Variants in H3-3B observed in about 807,000 individuals in gnomAD.
H3-3B encodes the protein histone H3.3.
In H3-3B, 2 loss-of-function variants were observed where a neutral mutation model predicts 13.1. The observed-to-expected ratio is 0.15, with a 90% CI of 0.06 to 0.48. H3-3B has a LOEUF of 0.48. Among genes scored for constraint, H3-3B ranks in the 20% least tolerant of loss-of-function variants. The probability of loss-of-function intolerance (pLI) is 0.97; values close to 1 mark genes in which losing one functional copy is unlikely to be tolerated. For synonymous variants in H3-3B, 133 were observed against 75.8 expected (o/e 1.76, Z -3.92); for missense variants, 39 against 186.0 (o/e 0.21, Z 4.60).
chr17:75,776,919 C>G lies in H3-3B; in HGVS notation c.*1676G>C, dbSNP rs1060120. On this transcript the variant is annotated 3_prime_UTR_variant, in exon 4 of 4. Coordinates refer to ENST00000254810, the MANE Select transcript of H3-3B (RefSeq NM_005324.5). ...AGAAAAGCGGGTCATTATATTGCAT[C>G]CTTTCATAGGAGCTCATTATCACGA... is the stretch of plus-strand genomic sequence containing the variant. 1 of 152,074 alleles carries G rather than the reference C, an allele frequency of 6.6e-6. No individual in the cohort carries two copies. The allele number at this position is 152,074 out of a possible 1,614,324, so 9.4% of individuals were successfully genotyped here.
At position 75,776,787 on chromosome 17, in the gene H3-3B, T is replaced by A. The variant is rs1261191190; in HGVS notation, c.*1808A>T. 7.2e-5 allele frequency: 11 copies of A among 152,244 alleles called. No homozygotes were observed. The highest frequency in any genetic ancestry group is 1.6e-4 in the Non-Finnish European group (11 of 68,046). The allele number at this position is 152,244 out of a possible 1,614,324, so 9.4% of individuals were successfully genotyped here. On this transcript the variant is annotated 3_prime_UTR_variant, in exon 4 of 4. Transcript: ENST00000254810. ...CGTAGCCAGGTTTGTGTACTTTGTTTCCAGACACGCTACAGCATAGCACGT... is the reference window on the plus strand; with the variant it reads ...CGTAGCCAGGTTTGTGTACTTTGTTACCAGACACGCTACAGCATAGCACGT...
rs772814402 is a variant in H3-3B, at chr17:75,778,549, G to C, written c.*46C>G. 1.0e-5 allele frequency: 16 copies of C among 1,581,022 alleles called. No homozygotes were observed. The African/African-American group carries it at 1.2e-4, about 12-fold the overall frequency. On this transcript the variant is annotated 3_prime_UTR_variant, in exon 4 of 4. Coordinates refer to ENST00000254810, the MANE Select transcript of H3-3B (RefSeq NM_005324.5). Reference sequence around the variant, plus strand: ...AAAAAAAGTCACAAATTAAACCAAAGTATTTTACAGAATTTACTACAAAAC... The same window carrying C: ...AAAAAAAGTCACAAATTAAACCAAACTATTTTACAGAATTTACTACAAAAC...
rs371386581 is a variant in H3-3B, at chr17:75,778,891, G to C, written c.201C>G (p.Pro67=). ...CGATCTCCCTCACCAACCTCTGGAAGGGCAGCTTCCGGATGAGCAGCTCGG... is the reference window on the plus strand; with the variant it reads ...CGATCTCCCTCACCAACCTCTGGAACGGCAGCTTCCGGATGAGCAGCTCGG... ...KSTELLIRKL[P]FQRLVREIAQ... The change falls in exon 3 of 4, where the codon CCC becomes CCG. Residue 67 remains proline, a synonymous_variant. Transcript: ENST00000254810. The C allele has an allele frequency of 3.1e-6, 5 of 1,614,182 alleles. No homozygotes were observed. The Admixed American group carries it at 5.0e-5, about 16-fold the overall frequency.
chr17:75,777,091 CTG>C lies in H3-3B; in HGVS notation c.*1502_*1503del, dbSNP rs1277039777. On this transcript the variant is annotated 3_prime_UTR_variant, in exon 4 of 4. Transcript: ENST00000254810. ...GCTTTGATGACTGCTGGCTCTCATG[CTG>C]TCTCACTGACATCCACGTACTATGC... 1 of 152,208 alleles carries C rather than the reference CTG, an allele frequency of 6.6e-6. No homozygotes were observed. The highest frequency in any genetic ancestry group is 2.4e-5 in the African/African-American group (1 of 41,462). 9.4% of individuals were successfully genotyped at this position (152,208 alleles called of 1,614,324 possible).
At chr17:75,779,433 A>AGGCCC (rs1425658173) in intron 1 of H3-3B, 6 of 326,720 alleles carry the variant, frequency 1.8e-5, no homozygotes, top group Non-Finnish European at 3.3e-5. Context: ...CGACGGGCGG[A>AGGCCC]GGCCCGACTG....
intron 1 of H3-3B, 104 bp from the exon 2 acceptor site, chr17:75,779,288 CT>C (rs1250878968): frequency 1.6e-6 from 2 of 1,224,288 alleles, no homozygotes; most frequent in East Asian, 3.2e-5. Flanking sequence ...GGCCTCCCGC[CT>C]CCCCGCGCCC....
chr17:75,778,974 C>T lies in H3-3B; in HGVS notation c.129-11G>A. 1.2e-6 allele frequency: 2 copies of T among 1,614,042 alleles called. No homozygotes were observed. Among genetic ancestry groups the T allele is most frequent in the South Asian group, 1.1e-5 (1 of 91,078 alleles). On this transcript the variant is annotated splice_polypyrimidine_tract_variant and intron_variant, in intron 2 of 3. Coordinates refer to ENST00000254810, the MANE Select transcript of H3-3B (RefSeq NM_005324.5). ...GCCACGGTCCCGGGCCTGCAGCGAGCAGGGGAGGAGTGAGCGGACGCTGCC... is the reference window on the plus strand; with the variant it reads ...GCCACGGTCCCGGGCCTGCAGCGAGTAGGGGAGGAGTGAGCGGACGCTGCC...
chr17:75,777,618 G>A lies in H3-3B; in HGVS notation c.*977C>T, dbSNP rs749834690. The A allele has an allele frequency of 4.6e-5, 7 of 152,500 alleles. No homozygotes were observed. The highest frequency in any genetic ancestry group is 7.3e-5 in the Non-Finnish European group (5 of 68,036). 9.4% of individuals were successfully genotyped at this position (152,500 alleles called of 1,614,324 possible). On this transcript the variant is annotated 3_prime_UTR_variant, in exon 4 of 4. Transcript: ENST00000254810. ...ACCCAACACCATCTTAATTGGCAGA[G>A]GTTCAGTGGGCTGGAGTTTTGTGCT...
chr17:75,779,518 A>AG (rs1225464879), intron 1 of H3-3B, 139 bp downstream of exon 1: 1 of 180,222 alleles, frequency 5.5e-6, no homozygotes, highest in Non-Finnish European at 1.2e-5. Context: ...CAAAGCCCCA[A>AG]GGGGAAACCT....
In H3-3B at chr17:75,779,048, T is replaced by G. The variant is rs2061653004; in HGVS notation, c.127A>C (p.Arg43=). The stretch of plus-strand genomic sequence containing the variant: ...CCATTGTTCCCCCGCCCGACCTACC[T>G]GTAGCGATGAGGCTTCTTCACCCCG... ...TGGVKKPHRY[R]PGTVALREIR... Residue 43 remains arginine (R), a splice_region_variant and synonymous_variant, in exon 2 of 4, where the codon AGG becomes CGG. Transcript: ENST00000254810. 1 of 1,608,564 alleles carries G rather than the reference T, an allele frequency of 6.2e-7. No individual in the cohort carries two copies. The highest frequency in any genetic ancestry group is 8.5e-7 in the Non-Finnish European group (1 of 1,177,346).
In H3-3B at chr17:75,777,484, T is replaced by C. The variant is rs1329665483; in HGVS notation, c.*1111A>G. 1 of 152,660 alleles carries C rather than the reference T, an allele frequency of 6.6e-6. No individual in the cohort carries two copies. Among genetic ancestry groups the C allele is most frequent in the African/African-American group, 2.4e-5 (1 of 41,458 alleles). 9.5% of individuals were successfully genotyped at this position (152,660 alleles called of 1,614,324 possible). On this transcript the variant is annotated 3_prime_UTR_variant, in exon 4 of 4. Transcript: ENST00000254810. ...TTGGATAAACAAGTTTATTTGTAAA[T>C]TTAGTCAACATACATAATTGACCTA... is the stretch of plus-strand genomic sequence containing the variant.
intron 2 of H3-3B, 24 bp from the exon 3 acceptor site, chr17:75,778,987 A>G: frequency 6.2e-7 from 1 of 1,613,712 alleles, no homozygotes; most frequent in Non-Finnish European, 8.5e-7. Context: ...GGGAGGAGTG[A>G]GCGGACGCTG....
At chr17:75,779,426 C>G (rs754173659) in intron 1 of H3-3B, 18 of 336,774 alleles carry the variant, frequency 5.3e-5, no homozygotes, top group African/African-American at 3.4e-4. Flanking sequence ...CCTTCCTCGA[C>G]GGGCGGAGGC....
In H3-3B at chr17:75,777,162, G is replaced by A. The variant is rs1413482159; in HGVS notation, c.*1433C>T. 1 of 152,054 alleles carries A rather than the reference G, an allele frequency of 6.6e-6. No homozygotes were observed. Among genetic ancestry groups the A allele is most frequent in the East Asian group, 1.9e-4 (1 of 5,186 alleles). The allele number at this position is 152,054 out of a possible 1,614,324, so 9.4% of individuals were successfully genotyped here. ...ACAAGGAAACTGGTTTCATACTGAA[G>A]TTTAAGACTGAGTTCTACACCTGTG... is the stretch of plus-strand genomic sequence containing the variant. On this transcript the variant is annotated 3_prime_UTR_variant, in exon 4 of 4. Coordinates refer to ENST00000254810, the MANE Select transcript of H3-3B (RefSeq NM_005324.5).
rs1304304766 is a variant in H3-3B at position 75,778,458 on chromosome 17, A to G, written c.*137T>C. 2.4e-6 allele frequency: 3 copies of G among 1,260,986 alleles called. No homozygotes were observed. Among genetic ancestry groups the G allele is most frequent in the East Asian group, 4.7e-5 (2 of 42,334 alleles). 78.1% of individuals were successfully genotyped at this position (1,260,986 alleles called of 1,614,324 possible). A position where few individuals can be genotyped will look rare whatever the true frequency, so the allele number is the denominator to read the frequency against. Reference sequence around the variant, plus strand: ...AGGTCTGTGAACAGTCACTTTTCGCATTCATCCTGAGTGAAAGATGGAATG... The same window carrying G: ...AGGTCTGTGAACAGTCACTTTTCGCGTTCATCCTGAGTGAAAGATGGAATG... On this transcript the variant is annotated 3_prime_UTR_variant, in exon 4 of 4. Transcript: ENST00000254810.
Position 75,779,177 on chromosome 17 carries a change from T to G in H3-3B, c.-3A>C. ...GCAGTCTGCTTGGTTCGGGCCATTT[T>G]CTTTCACCTAAGAAAGACGCCCCGA... is the stretch of plus-strand genomic sequence containing the variant. On this transcript the variant is annotated 5_prime_UTR_variant, in exon 2 of 4. Coordinates refer to ENST00000254810, the MANE Select transcript of H3-3B (RefSeq NM_005324.5). The G allele has an allele frequency of 6.5e-7, 1 of 1,526,952 alleles. No individual in the cohort carries two copies. The highest frequency in any genetic ancestry group is 8.8e-7 in the Non-Finnish European group (1 of 1,141,226). 94.6% of individuals were successfully genotyped at this position (1,526,952 alleles called of 1,614,324 possible).
Position 75,778,523 on chromosome 17 carries a change from CAA to C in H3-3B, c.*70_*71del, listed in dbSNP as rs35916120. 6.5e-7 allele frequency: 1 copy of C among 1,546,950 alleles called. No homozygotes were observed. Among genetic ancestry groups the C allele is most frequent in the Non-Finnish European group, 8.7e-7 (1 of 1,144,588 alleles). On this transcript the variant is annotated 3_prime_UTR_variant, in exon 4 of 4. Coordinates refer to ENST00000254810, the MANE Select transcript of H3-3B (RefSeq NM_005324.5). Reference sequence around the variant, plus strand: ...GCAACATATTATAAACAATTTCTTACAAAAAAAGTCACAAATTAAACCAAAGT... The same window carrying C: ...GCAACATATTATAAACAATTTCTTACAAAAAGTCACAAATTAAACCAAAGT...
chr17:75,777,723 AACTC>A lies in H3-3B; in HGVS notation c.*868_*871del, dbSNP rs1323034304. The A allele has an allele frequency of 6.6e-6, 1 of 152,428 alleles. No individual in the cohort carries two copies. The highest frequency in any genetic ancestry group is 2.4e-5 in the African/African-American group (1 of 41,436). The allele number at this position is 152,428 out of a possible 1,614,324, so 9.4% of individuals were successfully genotyped here. A position where few individuals can be genotyped will look rare whatever the true frequency, so the allele number is the denominator to read the frequency against. Reference sequence around the variant, plus strand: ...TACTGTTTCCTCAGCAGAGGAGAAAAACTCAACCTAGTTATGAGACCAACCACAC... The same window carrying A: ...TACTGTTTCCTCAGCAGAGGAGAAAAAACCTAGTTATGAGACCAACCACAC... On this transcript the variant is annotated 3_prime_UTR_variant, in exon 4 of 4. Coordinates refer to ENST00000254810, the MANE Select transcript of H3-3B (RefSeq NM_005324.5).
rs865869239 is a variant in H3-3B, at chr17:75,777,066, G to C, written c.*1529C>G. On this transcript the variant is annotated 3_prime_UTR_variant, in exon 4 of 4. Transcript: ENST00000254810. ...CAGTTGCTAACTTCAAACGTGGAAC[G>C]CTTTGATGACTGCTGGCTCTCATGC... The C allele has an allele frequency of 6.6e-6, 1 of 152,140 alleles. No individual in the cohort carries two copies. The allele number at this position is 152,140 out of a possible 1,614,324, so 9.4% of individuals were successfully genotyped here. A position where few individuals can be genotyped will look rare whatever the true frequency, so the allele number is the denominator to read the frequency against.
Sources: allele counts gnomAD v4.1 joint callset, GRCh38; gene constraint gnomAD v4.1.1; transcripts MANE v1.5; gene names NCBI Gene and HGNC (gene_info 2026-07-23, HGNC 2026-07-21).